Variants in FAM133B observed in about 807,000 individuals in gnomAD.
FAM133B encodes protein FAM133B.
Under a neutral mutation model 46.4 loss-of-function variants are expected in FAM133B, and 25 were observed. That is an observed-to-expected ratio of 0.54 (90% CI 0.39 to 0.75). FAM133B has a LOEUF of 0.75. Ranked by LOEUF, FAM133B falls within the 30% of genes least tolerant of loss-of-function variation. The pLI, the probability that FAM133B is intolerant of heterozygous loss-of-function variation, is 0.00. For synonymous variants in FAM133B, 75 were observed against 86.0 expected (o/e 0.87, Z 0.71); for missense variants, 205 against 277.6 (o/e 0.74, Z 1.86).
rs776944613 is a variant in FAM133B, at chr7:92,578,159, TTTC to T, written c.297_299del (p.Lys100del). 244 of 1,610,054 alleles carry T rather than the reference TTTC, an allele frequency of 1.5e-4. No individual in the cohort carries two copies. The highest frequency in any genetic ancestry group is 1.9e-4 in the Non-Finnish European group (222 of 1,178,576). ...GAAAATTTTTGCTCACCCTACCAGA[TTTC>T]TTCTTTTCTTTTTTCTTTCTCTAAA... On this transcript the variant is annotated inframe_deletion, in exon 5 of 11. Transcript: ENST00000445716.
intron 7 of FAM133B, 61 bp downstream of exon 7, chr7:92,577,042 A>C: frequency 1.9e-6 from 2 of 1,034,754 alleles, no homozygotes; most frequent in South Asian, 4.4e-5. Flanking sequence ...GAGCAACTTT[A>C]GGCAGAAAAA....
At chr7:92,579,254 T>C (rs1044713888) in intron 3 of FAM133B, 63 bp downstream of exon 3, 3 of 1,412,092 alleles carry the variant, frequency 2.1e-6, no homozygotes, top group South Asian at 1.3e-5. Flanking sequence ...GCTGGAATTA[T>C]AGGTATGAGC....
At chr7:92,581,375 T>C in intron 2 of FAM133B, 131 bp downstream of exon 2, 1 of 700,740 alleles carries the variant, frequency 1.4e-6, no homozygotes, top group Non-Finnish European at 2.4e-6. Context: ...AGAAAGCACA[T>C]ATCAAATGTT....
intron 2 of FAM133B, among the ~76,000 whole-genome samples, chr7:92,580,433 G>T (rs1413926678): frequency 6.6e-6 from 1 of 152,132 alleles, no homozygotes; most frequent in Non-Finnish European, 1.5e-5. Flanking sequence ...GGCAGAGGCT[G>T]ACCAGCCTCA....
chr7:92,577,467 A>G lies in FAM133B; in HGVS notation c.372+188T>C, dbSNP rs1473083594. 6.5e-6 allele frequency: 3 copies of G among 462,580 alleles called. No homozygotes were observed. The Admixed American group carries it at 1.2e-4, about 19-fold the overall frequency. The allele number at this position is 462,580 out of a possible 1,614,324, so 28.7% of individuals were successfully genotyped here. A position where few individuals can be genotyped will look rare whatever the true frequency, so the allele number is the denominator to read the frequency against. ...GTCAACAAAACAAATTTTAAAATCT[A>G]AAAAATATATTATATACCAATATTT... On this transcript the variant is annotated intron_variant, in intron 6 of 10. Transcript: ENST00000445716.
intron 10 of FAM133B, chr7:92,565,755 G>A (rs751774467): frequency 1.1e-5 from 5 of 444,218 alleles, no homozygotes; most frequent in South Asian, 3.1e-5. Context: ...GAGACACAGC[G>A]CCCAGCCCTG....
In FAM133B at chr7:92,581,550, T is replaced by C; in HGVS notation, c.78A>G (p.Ser26=). 6.2e-7 allele frequency: 1 copy of C among 1,613,926 alleles called. No homozygotes were observed. The highest frequency in any genetic ancestry group is 1.1e-5 in the South Asian group (1 of 91,082). Residue 26 remains serine (S), a synonymous_variant, in exon 2 of 11, where the codon TCA becomes TCG. Transcript: ENST00000445716. The part of the protein sequence containing the change: ...MARSRGPIQS[S]GPTIQDYLNR... ...TCAGATAATCCTGTATTGTTGGCCC[T>C]GAAGACTGGATTGGACCCCTTGATC...
At chr7:92,579,074 C>T in intron 3 of FAM133B, 2 of 396,556 alleles carry the variant, frequency 5.0e-6, no homozygotes, top group Non-Finnish European at 9.2e-6. Context: ...TTGTATTCAC[C>T]ATAACAATAA....
intron 9 of FAM133B, 52 bp from the exon 10 acceptor site, chr7:92,566,113 C>T (rs1794341342): frequency 1.3e-6 from 2 of 1,559,870 alleles, no homozygotes; most frequent in South Asian, 2.3e-5. Flanking sequence ...GTAATTTGTA[C>T]TCAAGGCATT....
At chr7:92,578,539 G>A (rs1794770591) in intron 3 of FAM133B, 146 bp from the exon 4 acceptor site, 5 of 732,714 alleles carry the variant, frequency 6.8e-6, no homozygotes, top group East Asian at 2.7e-5. Context: ...AGAAACACAG[G>A]TGCCAATCCT....
intron 1 of FAM133B, 191 bp from the exon 2 acceptor site, chr7:92,581,794 T>TTGTGTGTG (rs10578440): frequency 9.5e-6 from 3 of 316,306 alleles, no homozygotes; most frequent in Non-Finnish European, 1.8e-5. Flanking sequence ...TGGGAGAAAA[T>TTGTGTGTG]TGTGTGTGTG....
chr7:92,577,802 AATCT>A, intron 5 of FAM133B, 85 bp from the exon 6 acceptor site: 1 of 1,081,460 alleles, frequency 9.2e-7, no homozygotes, highest in Non-Finnish European at 1.3e-6. Context: ...TAGTGAAATC[AATCT>A]AGTGTCTGAG....
At chr7:92,564,558 A>G (rs567173483) in intron 10 of FAM133B, among the ~76,000 whole-genome samples, 2 of 152,372 alleles carry the variant, frequency 1.3e-5, no homozygotes, top group African/African-American at 4.8e-5. Flanking sequence ...CTTATTCGTC[A>G]TCGTAGGCTT....
At position 92,569,383 on chromosome 7, in the gene FAM133B, A is replaced by G. The variant is rs147404610; in HGVS notation, c.609+440T>C. On this transcript the variant is annotated intron_variant, in intron 9 of 10. Coordinates refer to ENST00000445716, the MANE Select transcript of FAM133B (RefSeq NM_152789.4). Reference sequence around the variant, plus strand: ...AAGTAATATGATATGTTTCCTGCCAACATTTCTTCTCCACTTCATCACCTT... The same window carrying G: ...AAGTAATATGATATGTTTCCTGCCAGCATTTCTTCTCCACTTCATCACCTT... Among the ~76,000 whole-genome samples the G allele has an allele frequency of 2.0e-3, 309 of 152,322 alleles. 1 individual carries two copies. Among genetic ancestry groups the G allele is most frequent in the Middle Eastern group, 0.014 (4 of 294 alleles).
chr7:92,577,847 A>G, intron 5 of FAM133B, 130 bp from the exon 6 acceptor site: 1 of 764,774 alleles, frequency 1.3e-6, no homozygotes, highest in East Asian at 2.7e-5. Flanking sequence ...AGTCATAAAT[A>G]TGAAAATATA....
At position 92,577,156 on chromosome 7, in the gene FAM133B, G is replaced by A. The variant is rs779150232; in HGVS notation, c.412C>T (p.Arg138Cys). 4.2e-5 allele frequency: 63 copies of A among 1,494,806 alleles called. No homozygotes were observed. The highest frequency in any genetic ancestry group is 5.3e-5 in the Non-Finnish European group (59 of 1,119,358). The allele number at this position is 1,494,806 out of a possible 1,614,324, so 92.6% of individuals were successfully genotyped here. A position where few individuals can be genotyped will look rare whatever the true frequency, so the allele number is the denominator to read the frequency against. The change falls in exon 7 of 11, where the codon CGT becomes TGT. Residue 138 changes from arginine to cysteine, a missense_variant. Arg to Cys is a radical substitution (Grantham distance 180). Transcript: ENST00000445716. ...GAGCTTTCAGAAGATTTATGTGAAC[G>A]GTTCTTCTTTTTCTTTCTCCGTTTT... is the stretch of plus-strand genomic sequence containing the variant. ...QGKRRKKKKNRSHKSSESSMS... is the reference protein window; with the variant it reads ...QGKRRKKKKNCSHKSSESSMS...
Position 92,581,804 on chromosome 7 carries a change from G to A in FAM133B, c.25-201C>T, listed in dbSNP as rs1188416097. On this transcript the variant is annotated intron_variant, in intron 1 of 10. Coordinates refer to ENST00000445716, the MANE Select transcript of FAM133B (RefSeq NM_152789.4). ...AAGTTTGGGAGAAAATTGTGTGTGTGTGTGTGTGTGTGTGTGTGTGTGTGT... is the reference window on the plus strand; with the variant it reads ...AAGTTTGGGAGAAAATTGTGTGTGTATGTGTGTGTGTGTGTGTGTGTGTGT... 1.2e-5 allele frequency: 4 copies of A among 335,836 alleles called. No individual in the cohort carries two copies. In the African/African-American group the frequency reaches 1.3e-4, roughly 11 times the overall value. The allele number at this position is 335,836 out of a possible 1,614,324, so 20.8% of individuals were successfully genotyped here.
chr7:92,582,531 CTGTT>C (rs1489795285), intron 1 of FAM133B, among the ~76,000 whole-genome samples: 6 of 152,002 alleles, frequency 3.9e-5, no homozygotes, highest in African/African-American at 1.5e-4. Flanking sequence ...TCAAAGGACA[CTGTT>C]AAGAGTGAAA....
intron 1 of FAM133B, among the ~76,000 whole-genome samples, chr7:92,589,573 G>A (rs1795131747): frequency 6.6e-6 from 1 of 152,178 alleles, no homozygotes; most frequent in African/African-American, 2.4e-5. Context: ...GAGAAGAAAA[G>A]TAACTTGTTC....
Sources: gnomAD v4.1 joint callset for allele counts (sites outside exome capture counted in the v4.1 genomes callset) on GRCh38, gnomAD v4.1.1 for gene constraint, MANE v1.5 for transcripts, NCBI Gene and HGNC (gene_info 2026-07-23, HGNC 2026-07-21) for gene names.